The following SOD2 variants were observed in gnomAD, a reference collection of about 807,000 sequenced individuals.
SOD2 encodes the protein superoxide dismutase [Mn], mitochondrial.
SOD2 carries 11 observed loss-of-function variants against 27.0 expected under a neutral mutation model. That is an observed-to-expected ratio of 0.41 (90% CI 0.26 to 0.67). The LOEUF (loss-of-function observed/expected upper bound fraction) is 0.67, where lower values mean the gene tolerates loss of function less well. SOD2 is among the 30% of genes least tolerant of loss of function. The pLI is 0.34. For synonymous variants in SOD2, 105 were observed against 103.0 expected (o/e 1.02, Z -0.12); for missense variants, 250 against 274.5 (o/e 0.91, Z 0.63).
intron 1 of SOD2, among the ~76,000 whole-genome samples, chr6:159,710,622 C>G (rs756769112): frequency 6.6e-6 from 1 of 152,120 alleles, no homozygotes; most frequent in African/African-American, 2.4e-5. Context: ...CCTTCTCTAC[C>G]TAACCAAGCT....
chr6:159,727,501 G>C (rs905553549), upstream of SOD2: 1 of 993,232 alleles, frequency 1.0e-6, no homozygotes, highest in African/African-American at 1.8e-5. Flanking sequence ...GCGGGGCCTG[G>C]TTTCCTCCCT....
Position 159,762,251 on chromosome 6 carries a change from A to G in SOD2, c.-1550T>C, listed in dbSNP as rs1455962116. The G allele has an allele frequency of 1.0e-5, 14 of 1,392,840 alleles. No individual in the cohort carries two copies. The African/African-American group carries it at 1.9e-4, about 19-fold the overall frequency. 86.3% of individuals were successfully genotyped at this position (1,392,840 alleles called of 1,614,324 possible). ...GGGGCGTATGTGGAGGAAGCCGGTCAGGCCAAGCCGCGAGGAGCCGCGGGA... is the reference window on the plus strand; with the variant it reads ...GGGGCGTATGTGGAGGAAGCCGGTCGGGCCAAGCCGCGAGGAGCCGCGGGA... On this transcript the variant is annotated 5_prime_UTR_variant, in exon 1 of 8. Coordinates refer to the SOD2 transcript ENST00000546087.
chr6:159,736,663 C>T (rs562860964), intron 1 of SOD2: 1 of 162,578 alleles, frequency 6.2e-6, no homozygotes, highest in South Asian at 2.0e-4. Context: ...TATTATTATT[C>T]TTTTCCTAGT....
intron 1 of SOD2, among the ~76,000 whole-genome samples, chr6:159,706,668 G>A (rs1777632890): frequency 6.6e-6 from 1 of 151,988 alleles, no homozygotes; most frequent in Admixed American, 6.6e-5. Context: ...CAATAATAAT[G>A]GGAGACTTTA....
intron 1 of SOD2, among the ~76,000 whole-genome samples, chr6:159,733,414 C>T (rs905911722): frequency 6.6e-6 from 1 of 151,964 alleles, no homozygotes; most frequent in Admixed American, 6.6e-5. Flanking sequence ...CCCAGGAGTT[C>T]GAGACCAGCC....
rs557695169 is a variant in SOD2, at chr6:159,671,264, G to A, written c.*11229C>T. 1 of 152,462 alleles carries A rather than the reference G, an allele frequency of 6.6e-6. No homozygotes were observed. Among genetic ancestry groups the A allele is most frequent in the Admixed American group, 6.5e-5 (1 of 15,306 alleles). The allele number at this position is 152,462 out of a possible 1,614,324, so 9.4% of individuals were successfully genotyped here. A position where few individuals can be genotyped will look rare whatever the true frequency, so the allele number is the denominator to read the frequency against. ...AGACCAGTGGTTCTCCCAGCACAGA[G>A]TTTGAGATCTGAGAACGGAGAGACT... is the stretch of plus-strand genomic sequence containing the variant. On this transcript the variant is annotated 3_prime_UTR_variant, in exon 5 of 5. Transcript: ENST00000538183.
intron 1 of SOD2, among the ~76,000 whole-genome samples, chr6:159,737,384 T>C (rs1778987054): frequency 1.3e-5 from 2 of 152,230 alleles, no homozygotes; most frequent in South Asian, 4.1e-4. Context: ...GTTCCCTCGT[T>C]CCATTTTATG....
chr6:159,750,597 C>A (rs1460681808), intron 1 of SOD2, among the ~76,000 whole-genome samples: 1 of 152,160 alleles, frequency 6.6e-6, no homozygotes, highest in African/African-American at 2.4e-5. Context: ...TGTGATCATA[C>A]CATAAACACA....
chr6:159,684,514 G>A (rs1483014924), intron 4 of SOD2, among the ~76,000 whole-genome samples: 3 of 152,148 alleles, frequency 2.0e-5, no homozygotes, highest in Non-Finnish European at 4.4e-5. Flanking sequence ...CTATTTGGGA[G>A]GCTGAGGCAG....
intron 1 of SOD2, 108 bp from the exon 2 acceptor site, chr6:159,692,971 C>A (rs994010939): frequency 2.5e-5 from 34 of 1,351,370 alleles, no homozygotes; most frequent in Admixed American, 3.0e-5. Flanking sequence ...CCCCGCGTCC[C>A]CTCCCTGCGG....
chr6:159,721,714 G>C (rs1419277062), intron 1 of SOD2, among the ~76,000 whole-genome samples: 1 of 110,100 alleles, frequency 9.1e-6, no homozygotes, highest in Non-Finnish European at 1.7e-5. Flanking sequence ...TTTTAGTAGA[G>C]ATGGGGTTTC....
chr6:159,730,054 C>A (rs752481187), upstream of SOD2, among the ~76,000 whole-genome samples: 14 of 152,128 alleles, frequency 9.2e-5, no homozygotes, highest in African/African-American at 1.4e-4. Flanking sequence ...ATAACTGAAA[C>A]TTTTATGTAA....
intron 1 of SOD2, among the ~76,000 whole-genome samples, chr6:159,720,728 C>T (rs1023057362): frequency 2.0e-5 from 3 of 151,892 alleles, no homozygotes; most frequent in Admixed American, 2.0e-4. Flanking sequence ...CATGACAACC[C>T]TTTCTCTTGT....
Position 159,678,204 on chromosome 6 carries a change from C to T in SOD2, c.*4289G>A, listed in dbSNP as rs1779820667. The T allele has an allele frequency of 6.6e-6, 1 of 152,252 alleles. No homozygotes were observed. The highest frequency in any genetic ancestry group is 6.5e-5 in the Admixed American group (1 of 15,272). 9.4% of individuals were successfully genotyped at this position (152,252 alleles called of 1,614,324 possible). ...CATGCCTTGCCCTGTGCATCTCTTC[C>T]ATCTGGCTGTTCATCTGTATTCTTT... is the stretch of plus-strand genomic sequence containing the variant. On this transcript the variant is annotated 3_prime_UTR_variant, in exon 5 of 5. Coordinates refer to ENST00000538183, the MANE Select transcript of SOD2 (RefSeq NM_000636.4).
chr6:159,692,866 G>A lies in SOD2; in HGVS notation c.24-3C>T, dbSNP rs568789161. 5.6e-6 allele frequency: 9 copies of A among 1,599,338 alleles called. No individual in the cohort carries two copies. The African/African-American group carries it at 1.2e-4, about 21-fold the overall frequency. ...CCGGAGCCAGCTGCCTGCTGGTGCT[G>A]AAGACGAGAAAGCACAGCCCGGTCA... On this transcript the variant is annotated splice_region_variant and splice_polypyrimidine_tract_variant and intron_variant, in intron 1 of 4. Transcript: ENST00000538183.
rs559675540 is a variant in SOD2 at position 159,690,362 on chromosome 6, C to T, written c.227-2120G>A. Among the ~76,000 whole-genome samples, 452 of 151,540 alleles carry T rather than the reference C, an allele frequency of 3.0e-3. 4 individuals are homozygous for T. The highest frequency in any genetic ancestry group is 0.011 in the African/African-American group (434 of 41,308). On this transcript the variant is annotated intron_variant, in intron 2 of 4. Transcript: ENST00000538183. Reference sequence around the variant, plus strand: ...CTGTAATCCCAGCACTCTGGAAGGCCGAGGTGCGTGGATAGGGGAGCCCAG... The same window carrying T: ...CTGTAATCCCAGCACTCTGGAAGGCTGAGGTGCGTGGATAGGGGAGCCCAG...
intron 2 of SOD2, among the ~76,000 whole-genome samples, chr6:159,689,868 G>A (rs923706499): frequency 2.0e-5 from 3 of 152,034 alleles, no homozygotes; most frequent in African/African-American, 7.2e-5. Flanking sequence ...CATGAGGCAG[G>A]AGAATGGCTT....
At chr6:159,695,034 TGGG>T (rs773903480), upstream of SOD2, among the ~76,000 whole-genome samples, 4 of 152,060 alleles carry the variant, frequency 2.6e-5, no homozygotes, top group Non-Finnish European at 5.9e-5. Context: ...GGCACTGACT[TGGG>T]GGGATGAAGG....
chr6:159,752,052 A>AC (rs1163223115), intron 1 of SOD2, among the ~76,000 whole-genome samples: 1 of 145,612 alleles, frequency 6.9e-6, no homozygotes, highest in African/African-American at 2.6e-5. Flanking sequence ...ACACAGTGAG[A>AC]CCCCCATCTC....
Sources: gnomAD v4.1 joint callset for allele counts (sites outside exome capture counted in the v4.1 genomes callset) on GRCh38, gnomAD v4.1.1 for gene constraint, MANE v1.5 for transcripts, NCBI Gene and HGNC (gene_info 2026-07-23, HGNC 2026-07-21) for gene names.